QTMAN: variants seen among roughly 807,000 people sequenced by gnomAD.
The protein encoded by QTMAN is tRNA-queuosine alpha-mannosyltransferase.
the QTMAN span, among the ~76,000 whole-genome samples, chr2:144,303,556 A>C: frequency 6.6e-6 from 1 of 152,236 alleles, no homozygotes; most frequent in East Asian, 1.9e-4. Context: ...GAAGTCATCA[A>C]GAAAAGGGTG....
At chr2:144,063,445 C>T in the QTMAN span, among the ~76,000 whole-genome samples, 10 of 152,128 alleles carry the variant, frequency 6.6e-5, no homozygotes, top group African/African-American at 2.4e-4. Context: ...TAACAAATGC[C>T]TCAATTACTT....
chr2:144,146,343 G>A, the QTMAN span, among the ~76,000 whole-genome samples: 1 of 150,430 alleles, frequency 6.6e-6, no homozygotes, highest in Non-Finnish European at 1.5e-5. Flanking sequence ...GACTGCTAAT[G>A]GTACCAGATG....
the QTMAN span, among the ~76,000 whole-genome samples, chr2:144,307,069 G>A: frequency 6.7e-6 from 1 of 149,902 alleles, no homozygotes; most frequent in Non-Finnish European, 1.5e-5. Flanking sequence ...GCTGAGGCAG[G>A]GGAATCACTT....
the QTMAN span, chr2:144,208,555 C>G: frequency 6.7e-7 from 1 of 1,502,442 alleles, no homozygotes; most frequent in Non-Finnish European, 9.2e-7. Context: ...ATCCTCATAA[C>G]AGGTACTTTT....
At chr2:144,104,957 G>A in the QTMAN span, among the ~76,000 whole-genome samples, 98 of 152,302 alleles carry the variant, frequency 6.4e-4, no homozygotes, top group Non-Finnish European at 2.2e-4. Context: ...AGCAATATTC[G>A]CTGCTCTGCA....
chr2:144,077,774 A>G, the QTMAN span, among the ~76,000 whole-genome samples: 2 of 152,226 alleles, frequency 1.3e-5, no homozygotes, highest in Non-Finnish European at 2.9e-5. Context: ...GTTTATAAAA[A>G]GACACAAAGT....
At chr2:144,266,272 T>C in the QTMAN span, among the ~76,000 whole-genome samples, 3 of 152,012 alleles carry the variant, frequency 2.0e-5, no homozygotes, top group Non-Finnish European at 4.4e-5. Context: ...AATGAAGAAA[T>C]AGTAAGTTCT....
At chr2:144,324,024 T>C in the QTMAN span, among the ~76,000 whole-genome samples, 1 of 152,204 alleles carries the variant, frequency 6.6e-6, no homozygotes, top group East Asian at 1.9e-4. Context: ...TTACCCTTTA[T>C]TGTTCTTTAC....
At chr2:144,008,042 A>G in the QTMAN span, among the ~76,000 whole-genome samples, 24 of 152,286 alleles carry the variant, frequency 1.6e-4, no homozygotes, top group East Asian at 4.4e-3. Context: ...GTATATTTTA[A>G]TATCTTTTTT....
the QTMAN span, among the ~76,000 whole-genome samples, chr2:144,015,215 C>T: frequency 6.6e-6 from 1 of 152,140 alleles, no homozygotes; most frequent in African/African-American, 2.4e-5. Context: ...ACACTCACTT[C>T]TCACGATCCC....
the QTMAN span, chr2:144,178,323 C>T: frequency 6.6e-6 from 1 of 152,048 alleles, no homozygotes; most frequent in Non-Finnish European, 1.5e-5. Context: ...ATGACACACA[C>T]ATAAGCAATC....
chr2:144,107,791 G>A, the QTMAN span, among the ~76,000 whole-genome samples: 5 of 152,168 alleles, frequency 3.3e-5, no homozygotes, highest in East Asian at 9.6e-4. Context: ...GCCTGACAGA[G>A]ACACAACAAA....
the QTMAN span, among the ~76,000 whole-genome samples, chr2:144,286,885 AT>A: frequency 2.0e-5 from 3 of 152,160 alleles, no homozygotes; most frequent in Admixed American, 6.5e-5. Flanking sequence ...GACTTTCATT[AT>A]TTTTTTATAG....
the QTMAN span, among the ~76,000 whole-genome samples, chr2:144,297,015 T>C: frequency 6.6e-6 from 1 of 152,224 alleles, no homozygotes; most frequent in African/African-American, 2.4e-5. Flanking sequence ...CTATTATTAT[T>C]ACTGTTTTAG....
the QTMAN span, among the ~76,000 whole-genome samples, chr2:143,953,752 A>C: frequency 6.6e-6 from 1 of 151,910 alleles, no homozygotes; most frequent in African/African-American, 2.4e-5. Context: ...TGTTTATTTT[A>C]TGAGAAACTT....
chr2:144,068,549 TA>T, the QTMAN span, among the ~76,000 whole-genome samples: 1 of 152,366 alleles, frequency 6.6e-6, no homozygotes, highest in Admixed American at 6.5e-5. Context: ...GTAGTCCAAT[TA>T]ATATGCAAAT....
the QTMAN span, among the ~76,000 whole-genome samples, chr2:144,222,565 G>C: frequency 4.0e-5 from 6 of 151,768 alleles, no homozygotes; most frequent in Non-Finnish European, 7.4e-5. Context: ...CCAGCACTTT[G>C]AGAGGCCGAG....
the QTMAN span, among the ~76,000 whole-genome samples, chr2:144,243,476 T>C: frequency 6.6e-6 from 1 of 152,226 alleles, no homozygotes; most frequent in Admixed American, 6.5e-5. Context: ...TTAGGAATGA[T>C]AGCATTTTGC....
At chr2:144,158,738 A>G in the QTMAN span, among the ~76,000 whole-genome samples, 3 of 152,050 alleles carry the variant, frequency 2.0e-5, no homozygotes, top group African/African-American at 7.2e-5. Flanking sequence ...GTGCAAAAAA[A>G]GTCAGAAAAT....
Sources: gnomAD v4.1 joint callset for allele counts (sites outside exome capture counted in the v4.1 genomes callset) on GRCh38, gnomAD v4.1.1 for gene constraint, MANE v1.5 for transcripts, NCBI Gene and HGNC (gene_info 2026-07-23, HGNC 2026-07-21) for gene names.